TCF12: variants seen among roughly 807,000 people sequenced by gnomAD.
The protein encoded by TCF12 is transcription factor 12, also known as DNA-binding protein HTF4.
In TCF12, 45 loss-of-function variants were observed where a neutral mutation model predicts 86.0. The observed-to-expected ratio is 0.52, with a 90% CI of 0.41 to 0.67. TCF12 has a LOEUF of 0.67. Among genes scored for constraint, TCF12 ranks in the 30% least tolerant of loss-of-function variants. The probability of loss-of-function intolerance (pLI) is 0.00; values close to 1 mark genes in which losing one functional copy is unlikely to be tolerated. For missense variants in TCF12, 881 were observed against 859.9 expected (o/e 1.02, Z -0.31); for synonymous variants, 330 against 299.6 (o/e 1.10, Z -1.05).
chr15:57,277,987 T>C (rs576332018), intron 19 of TCF12, among the ~76,000 whole-genome samples: 51 of 151,982 alleles, frequency 3.4e-4, no homozygotes, highest in Non-Finnish European at 6.2e-4. Flanking sequence ...TTTAAAAATT[T>C]ACCTTCCATA....
Position 57,006,954 on chromosome 15 carries a change from G to A in TCF12, c.149-56796G>A, listed in dbSNP as rs558570344. ...AGCAACAACAACAAAATGAGATATG[G>A]CAATTAACAAGCTAGATAAAGCATA... On this transcript the variant is annotated intron_variant, in intron 3 of 20. Coordinates refer to ENST00000333725, the MANE Select transcript of TCF12 (RefSeq NM_207037.2). Among the ~76,000 whole-genome samples, 10 of 152,104 alleles carry A rather than the reference G, an allele frequency of 6.6e-5. No individual in the cohort carries two copies. In the East Asian group the frequency reaches 1.7e-3, roughly 26 times the overall value.
chr15:57,219,683 T>C, intron 8 of TCF12: 1 of 1,171,666 alleles, frequency 8.5e-7, no homozygotes, highest in Non-Finnish European at 1.2e-6. Context: ...TGAGGTTTTG[T>C]TTTATCCTTT....
intron 4 of TCF12, among the ~76,000 whole-genome samples, chr15:57,070,819 G>T (rs1430498599): frequency 6.6e-6 from 1 of 152,150 alleles, no homozygotes; most frequent in Non-Finnish European, 1.5e-5. Context: ...GGGTCATACT[G>T]GCTGGAGGTG....
chr15:57,272,922 A>T (rs2061209611), intron 18 of TCF12, 108 bp from the exon 19 acceptor site: 1 of 1,050,094 alleles, frequency 9.5e-7, no homozygotes, highest in South Asian at 1.6e-5. Flanking sequence ...TGTTTACAAG[A>T]TTTATAGGTG....
chr15:56,918,609 C>T (rs900924405), upstream of TCF12: 1 of 226,364 alleles, frequency 4.4e-6, no homozygotes, highest in African/African-American at 2.4e-5. Context: ...AAGGGTTAAC[C>T]CGCGGCTCTT....
chr15:56,944,816 A>G (rs1000913615), intron 3 of TCF12, among the ~76,000 whole-genome samples: 1 of 152,200 alleles, frequency 6.6e-6, no homozygotes, highest in African/African-American at 2.4e-5. Context: ...AAAAATGGTA[A>G]GTATAAGTGT....
At chr15:57,068,458 T>C (rs2069091752) in intron 4 of TCF12, among the ~76,000 whole-genome samples, 1 of 152,210 alleles carries the variant, frequency 6.6e-6, no homozygotes, top group Non-Finnish European at 1.5e-5. Flanking sequence ...ACTACTTTTA[T>C]TTATTTTAAA....
At chr15:57,077,394 T>G (rs2070203412) in intron 4 of TCF12, among the ~76,000 whole-genome samples, 4 of 135,542 alleles carry the variant, frequency 3.0e-5, no homozygotes, top group South Asian at 2.3e-4. Context: ...TTTTTTTTTT[T>G]GGCAAGGCTT....
At chr15:57,092,023 T>A (rs1210334269) in intron 5 of TCF12, 132 bp downstream of exon 5, 2 of 636,016 alleles carry the variant, frequency 3.1e-6, no homozygotes, top group African/African-American at 3.6e-5. Context: ...CATCTAGGGC[T>A]TTTCTTGTTC....
intron 5 of TCF12, among the ~76,000 whole-genome samples, chr15:57,163,954 G>C (rs954794007): frequency 3.3e-5 from 5 of 152,144 alleles, no homozygotes; most frequent in Admixed American, 6.5e-5. Flanking sequence ...TTTCTAAATA[G>C]ATAGGGAATT....
intron 13 of TCF12, chr15:57,247,945 A>G (rs1416057476): frequency 4.0e-6 from 3 of 752,212 alleles, no homozygotes; most frequent in Non-Finnish European, 7.3e-6. Flanking sequence ...AAGTTTTTGC[A>G]AAAGCTCTGG....
chr15:56,933,503 G>A (rs1359692202), intron 3 of TCF12, among the ~76,000 whole-genome samples: 5 of 152,060 alleles, frequency 3.3e-5, no homozygotes, highest in Non-Finnish European at 5.9e-5. Context: ...GGAGCAGTTT[G>A]GAGATTCGAA....
intron 3 of TCF12, among the ~76,000 whole-genome samples, chr15:57,016,094 C>T (rs1246105509): frequency 6.6e-6 from 1 of 152,098 alleles, no homozygotes; most frequent in Admixed American, 6.6e-5. Context: ...TTTACGTGTA[C>T]CCTGCAGGTA....
intron 12 of TCF12, 128 bp from the exon 13 acceptor site, chr15:57,243,344 C>T: frequency 1.4e-6 from 1 of 694,282 alleles, no homozygotes; most frequent in Non-Finnish European, 2.4e-6. Flanking sequence ...TAAAACTTGA[C>T]AAGAAATTTT....
rs567084094 is a variant in TCF12 at position 57,083,428 on chromosome 15, T to G, written c.223-8361T>G. Among the ~76,000 whole-genome samples, 4 of 152,246 alleles carry G rather than the reference T, an allele frequency of 2.6e-5. No individual in the cohort carries two copies. In the South Asian group the frequency reaches 6.2e-4, roughly 24 times the overall value. The stretch of plus-strand genomic sequence containing the variant: ...CTACAATGGGTATATGTTATTTTAA[T>G]CATGTTAAAGGAAAATCTGAGAAAT... On this transcript the variant is annotated intron_variant, in intron 4 of 20. Coordinates refer to ENST00000333725, the MANE Select transcript of TCF12 (RefSeq NM_207037.2).
At chr15:57,100,423 C>CTT (rs571976256) in intron 5 of TCF12, among the ~76,000 whole-genome samples, 147 of 130,828 alleles carry the variant, frequency 1.1e-3, no homozygotes, top group African/African-American at 3.1e-3. Context: ...TTCACTTCCT[C>CTT]TTTTTTTTTT....
At chr15:57,232,489 T>C in intron 10 of TCF12, 59 bp downstream of exon 10, 1 of 1,530,650 alleles carries the variant, frequency 6.5e-7, no homozygotes, top group Non-Finnish European at 8.7e-7. Flanking sequence ...GTGTTTCTTT[T>C]TGGATTAGAA....
chr15:57,067,874 C>G (rs1239125772), intron 4 of TCF12, among the ~76,000 whole-genome samples: 2 of 152,160 alleles, frequency 1.3e-5, no homozygotes, highest in East Asian at 3.9e-4. Context: ...ATTAAAATCT[C>G]AGGTAGTTTA....
intron 3 of TCF12, among the ~76,000 whole-genome samples, chr15:57,040,187 C>G (rs1167698698): frequency 6.6e-6 from 1 of 151,852 alleles, no homozygotes; most frequent in Non-Finnish European, 1.5e-5. Context: ...TTTTTATCTC[C>G]CCATTGTAGA....
Sources: gnomAD v4.1 joint callset for allele counts (sites outside exome capture counted in the v4.1 genomes callset) on GRCh38, gnomAD v4.1.1 for gene constraint, MANE v1.5 for transcripts, NCBI Gene and HGNC (gene_info 2026-07-23, HGNC 2026-07-21) for gene names.